DLGAP1: variants seen among roughly 807,000 people sequenced by gnomAD.
DLGAP1 encodes the protein DLG associated protein 1.
In DLGAP1, 11 loss-of-function variants were observed where a neutral mutation model predicts 90.8. That is an observed-to-expected ratio of 0.12 (90% confidence interval 0.08 to 0.20). DLGAP1 has a LOEUF of 0.20. Ranked by LOEUF, DLGAP1 falls within the 10% of genes least tolerant of loss-of-function variation. DLGAP1 has a pLI of 1.00. For missense variants in DLGAP1, 1,050 were observed against 1,333.8 expected, an observed-to-expected ratio of 0.79 and a Z score of 3.31; for synonymous variants, 558 against 540.7, an observed-to-expected ratio of 1.03 and a Z score of -0.44.
At chr18:4,189,531 G>A (rs1488784461) in intron 1 of DLGAP1, among the ~76,000 whole-genome samples, 1 of 152,058 alleles carries the variant, frequency 6.6e-6, no homozygotes, top group Non-Finnish European at 1.5e-5. Flanking sequence ...TTCTTAAGAT[G>A]CCAGTTTCCC....
At chr18:3,739,616 G>C (rs1339650945) in intron 6 of DLGAP1, among the ~76,000 whole-genome samples, 1 of 136,052 alleles carries the variant, frequency 7.4e-6, no homozygotes, top group Non-Finnish European at 1.6e-5. Flanking sequence ...TCACACTCTG[G>C]GGACTGTTGT....
At chr18:4,381,942 A>G (rs764198031) in intron 1 of DLGAP1, among the ~76,000 whole-genome samples, 26 of 152,308 alleles carry the variant, frequency 1.7e-4, no homozygotes, top group South Asian at 8.3e-4. Flanking sequence ...ACGGCGGCAG[A>G]CAAGAGAGGG....
intron 1 of DLGAP1, among the ~76,000 whole-genome samples, chr18:4,175,278 T>G (rs1022535775): frequency 6.6e-6 from 1 of 152,212 alleles, no homozygotes; most frequent in African/African-American, 2.4e-5. Context: ...TTTTTTTTCT[T>G]GGAAATTTGT....
At chr18:3,789,332 C>T (rs1002211603) in intron 5 of DLGAP1, among the ~76,000 whole-genome samples, 1 of 152,114 alleles carries the variant, frequency 6.6e-6, no homozygotes, top group Non-Finnish European at 1.5e-5. Context: ...CATGAAAAGC[C>T]CCCTTGTGAT....
chr18:4,414,829 G>T (rs1357405917), intron 1 of DLGAP1, among the ~76,000 whole-genome samples: 3 of 151,960 alleles, frequency 2.0e-5, no homozygotes, highest in Non-Finnish European at 2.9e-5. Context: ...AATGAACATG[G>T]TTTATAAAAT....
At chr18:4,141,954 T>G (rs2076502077) in intron 2 of DLGAP1, among the ~76,000 whole-genome samples, 1 of 152,132 alleles carries the variant, frequency 6.6e-6, no homozygotes, top group Non-Finnish European at 1.5e-5. Flanking sequence ...TATCTCTGTA[T>G]CTCTAGGATT....
At chr18:3,909,526 G>T (rs547677935) in intron 3 of DLGAP1, among the ~76,000 whole-genome samples, 3 of 152,116 alleles carry the variant, frequency 2.0e-5, no homozygotes, top group East Asian at 1.9e-4. Context: ...ATTGATTAGG[G>T]TTCTTTTCTT....
At chr18:3,772,229 CTT>C (rs1235265386) in intron 5 of DLGAP1, among the ~76,000 whole-genome samples, 6 of 130,590 alleles carry the variant, frequency 4.6e-5, no homozygotes, top group African/African-American at 1.2e-4. Context: ...TCTTTCTTTT[CTT>C]TCTCTCCTTC....
At chr18:4,361,481 G>C (rs2081628910) in intron 1 of DLGAP1, among the ~76,000 whole-genome samples, 2 of 152,118 alleles carry the variant, frequency 1.3e-5, no homozygotes, top group Admixed American at 1.3e-4. Flanking sequence ...TTTGACAAGG[G>C]TGCCAAGACC....
At chr18:3,867,961 C>T (rs890385597) in intron 4 of DLGAP1, among the ~76,000 whole-genome samples, 1 of 152,126 alleles carries the variant, frequency 6.6e-6, no homozygotes, top group Non-Finnish European at 1.5e-5. Flanking sequence ...GCTACCTACA[C>T]GATAATTTTC....
At chr18:3,881,904 C>A (rs930728087) in intron 3 of DLGAP1, among the ~76,000 whole-genome samples, 1 of 151,232 alleles carries the variant, frequency 6.6e-6, no homozygotes, top group Non-Finnish European at 1.5e-5. Flanking sequence ...CAGAGCAAGA[C>A]TCCGTCTGTC....
intron 4 of DLGAP1, among the ~76,000 whole-genome samples, chr18:3,821,288 CAAAAAA>C (rs56279066): frequency 3.0e-4 from 22 of 72,714 alleles, no homozygotes; most frequent in African/African-American, 9.4e-4. Context: ...GACTCTGTGT[CAAAAAA>C]AAAAAAAAAA....
At chr18:4,273,383 C>T (rs1002008944) in intron 1 of DLGAP1, among the ~76,000 whole-genome samples, 2 of 152,188 alleles carry the variant, frequency 1.3e-5, no homozygotes, top group Non-Finnish European at 2.9e-5. Flanking sequence ...CCCTCACATA[C>T]TTTACCCAGC....
chr18:4,326,195 GAACA>G lies in DLGAP1; in HGVS notation c.-267+128807_-267+128810del, dbSNP rs551997655. 1.4e-3 allele frequency among the ~76,000 whole-genome samples: 212 copies of G among 152,012 alleles called. 1 individual carries two copies. Among genetic ancestry groups the G allele is most frequent in the Middle Eastern group, 0.01 (3 of 294 alleles). Reference sequence around the variant, plus strand: ...ACAAGCAAAAGTGGACAAAGAATATGAACAAACACTTTAAAAAGACACACATGCA... The same window carrying G: ...ACAAGCAAAAGTGGACAAAGAATATGAACACTTTAAAAAGACACACATGCA... On this transcript the variant is annotated intron_variant, in intron 1 of 12. Coordinates refer to ENST00000315677, the MANE Select transcript of DLGAP1 (RefSeq NM_004746.4).
At chr18:4,214,239 CAGG>C (rs2144912206) in intron 1 of DLGAP1, among the ~76,000 whole-genome samples, 1 of 151,380 alleles carries the variant, frequency 6.6e-6, no homozygotes, top group East Asian at 1.9e-4. Context: ...AGGAAGGTGG[CAGG>C]AGGAGATGGG....
intron 1 of DLGAP1, among the ~76,000 whole-genome samples, chr18:4,403,903 G>T (rs2082609431): frequency 6.6e-6 from 1 of 152,088 alleles, no homozygotes; most frequent in African/African-American, 2.4e-5. Context: ...CACTTATATT[G>T]TTTCTCCCTG....
intron 3 of DLGAP1, among the ~76,000 whole-genome samples, chr18:3,893,439 C>A (rs1403238764): frequency 1.3e-5 from 2 of 151,742 alleles, no homozygotes; most frequent in East Asian, 3.9e-4. Flanking sequence ...ATTAGCTGGG[C>A]CTGGTGATGG....
intron 4 of DLGAP1, among the ~76,000 whole-genome samples, chr18:3,826,777 A>G (rs2067739056): frequency 1.3e-5 from 2 of 152,192 alleles, no homozygotes; most frequent in Admixed American, 1.3e-4. Flanking sequence ...CAAGAGAATC[A>G]CGCAGGTTGC....
chr18:4,105,900 C>A (rs531388997), intron 2 of DLGAP1, among the ~76,000 whole-genome samples: 2 of 151,882 alleles, frequency 1.3e-5, no homozygotes, highest in South Asian at 2.1e-4. Context: ...GGCGTGGTGG[C>A]GGGCACCTGT....
Sources: gnomAD v4.1 joint callset for allele counts (sites outside exome capture counted in the v4.1 genomes callset) on GRCh38, gnomAD v4.1.1 for gene constraint, MANE v1.5 for transcripts, NCBI Gene and HGNC (gene_info 2026-07-23, HGNC 2026-07-21) for gene names.